Variants in CNNM4 observed in about 807,000 individuals in gnomAD.
CNNM4 encodes metal transporter CNNM4.
In CNNM4, 32 loss-of-function variants were observed where a neutral mutation model predicts 53.7. That is an observed-to-expected ratio of 0.60 (90% CI 0.45 to 0.80). The LOEUF is 0.80. Ranked by LOEUF, CNNM4 falls within the 30% of genes least tolerant of loss-of-function variation. CNNM4 has a pLI of 0.00. For synonymous variants in CNNM4, 410 were observed against 440.0 expected, an observed-to-expected ratio of 0.93 and a Z score of 0.85; for missense variants, 784 against 1,022.0, an observed-to-expected ratio of 0.77 and a Z score of 3.17.
intron 1 of CNNM4, among the ~76,000 whole-genome samples, chr2:96,794,323 A>G (rs2079085096): frequency 6.6e-6 from 1 of 152,172 alleles, no homozygotes; most frequent in Admixed American, 6.5e-5. Context: ...ATAACAGTAT[A>G]GAAGGGTATA....
chr2:96,799,350 C>A (rs2079137381), intron 4 of CNNM4, 124 bp downstream of exon 4: 1 of 1,384,766 alleles, frequency 7.2e-7, no homozygotes, highest in Non-Finnish European at 1.0e-6. Flanking sequence ...GCTGCCTGCC[C>A]TTGAGCCCCG....
intron 5 of CNNM4, among the ~76,000 whole-genome samples, chr2:96,807,824 A>AT (rs935750229): frequency 2.0e-5 from 3 of 152,058 alleles, no homozygotes; most frequent in Non-Finnish European, 4.4e-5. Flanking sequence ...TTTAATGCAT[A>AT]TTTTTTATTT....
chr2:96,783,388 A>G (rs1323206492), intron 1 of CNNM4, among the ~76,000 whole-genome samples: 2 of 152,192 alleles, frequency 1.3e-5, no homozygotes, highest in African/African-American at 4.8e-5. Flanking sequence ...TGGTGCTGGT[A>G]GGACTGCTGG....
rs1285621438 is a variant in CNNM4, at chr2:96,761,978, T to C, written c.979T>C (p.Phe327Leu). 1 of 1,614,146 alleles carries C rather than the reference T, an allele frequency of 6.2e-7. No individual in the cohort carries two copies. The highest frequency in any genetic ancestry group is 2.2e-5 in the East Asian group (1 of 44,872). The change falls in exon 1 of 7, where the codon TTT (phenylalanine) becomes CTT (leucine). Residue 327 changes from phenylalanine to leucine, a missense_variant. Physicochemically the swap from Phe to Leu is conservative, Grantham distance 22. Around this residue, in one of 3 missense-constraint regions of CNNM4, gnomAD observed 473 missense variants for 624.6 expected, o/e 0.76. Coordinates refer to ENST00000377075, the MANE Select transcript of CNNM4 (RefSeq NM_020184.4). This position sits in a 1 kb window ranked among gnomAD's most constrained non-coding sequence, Gnocchi z 6.0. ...TCCCATTAGCAAGCTCCTGGACTTTTTTCTGGGCCAGGAGATTCGCACTGT... is the reference window on the plus strand; with the variant it reads ...TCCCATTAGCAAGCTCCTGGACTTTCTTCTGGGCCAGGAGATTCGCACTGT... ...SFPISKLLDFFLGQEIRTVYN... is the reference protein window; with the variant it reads ...SFPISKLLDFLLGQEIRTVYN...
At chr2:96,779,118 G>A (rs546124688) in intron 1 of CNNM4, among the ~76,000 whole-genome samples, 2 of 152,112 alleles carry the variant, frequency 1.3e-5, no homozygotes, top group South Asian at 2.1e-4. Flanking sequence ...CACCATGCCC[G>A]GCTAATTTTT....
chr2:96,769,834 G>A (rs986403673), intron 1 of CNNM4, among the ~76,000 whole-genome samples: 1 of 152,326 alleles, frequency 6.6e-6, no homozygotes, highest in East Asian at 1.9e-4. Flanking sequence ...GCCCTGCCTG[G>A]TAATAGCCTC....
In CNNM4 at chr2:96,808,199, G is replaced by A. The variant is rs745737245; in HGVS notation, c.1949-362G>A. Among the ~76,000 whole-genome samples the A allele has an allele frequency of 3.9e-5, 6 of 152,228 alleles. No homozygotes were observed. The highest frequency in any genetic ancestry group is 8.8e-5 in the Non-Finnish European group (6 of 68,016). On this transcript the variant is annotated intron_variant, in intron 5 of 6. Transcript: ENST00000377075. This position sits in a 1 kb window ranked among gnomAD's most constrained non-coding sequence, Gnocchi z 4.9. ...CACTGTGCCCAGCCTAAGAATGGCA[G>A]TTTGCCTGTCCTGCTAGGATGATCA...
At chr2:96,793,761 C>T (rs181482576) in intron 1 of CNNM4, among the ~76,000 whole-genome samples, 9 of 152,264 alleles carry the variant, frequency 5.9e-5, no homozygotes, top group Admixed American at 3.9e-4. Flanking sequence ...GTCAGGAGTT[C>T]GAGACCAGCC....
At chr2:96,764,754 G>A (rs1442277262) in intron 1 of CNNM4, among the ~76,000 whole-genome samples, 3 of 152,134 alleles carry the variant, frequency 2.0e-5, no homozygotes, top group Non-Finnish European at 4.4e-5. Context: ...TTGGGAGGGC[G>A]AGGCGGACAG....
chr2:96,765,907 C>T (rs533164465), intron 1 of CNNM4, among the ~76,000 whole-genome samples: 1 of 150,048 alleles, frequency 6.7e-6, no homozygotes, highest in Non-Finnish European at 1.5e-5. Context: ...TCTCAGCCTC[C>T]CGAGTAGCTG....
chr2:96,798,944 G>T (rs1558994224), intron 3 of CNNM4, 113 bp from the exon 4 acceptor site: 3 of 1,061,960 alleles, frequency 2.8e-6, no homozygotes, highest in Non-Finnish European at 1.4e-6. Flanking sequence ...AGCAGGGCGG[G>T]AGTCGTCTGA....
chr2:96,773,169 A>G (rs772649499), intron 1 of CNNM4, among the ~76,000 whole-genome samples: 4 of 152,214 alleles, frequency 2.6e-5, no homozygotes, highest in Non-Finnish European at 5.9e-5. Flanking sequence ...CAGTTTCAAA[A>G]ATTAGTAAAT....
intron 1 of CNNM4, among the ~76,000 whole-genome samples, chr2:96,766,417 G>A (rs2078819391): frequency 6.6e-6 from 1 of 152,060 alleles, no homozygotes; most frequent in Admixed American, 6.6e-5. Flanking sequence ...CCCACCATGG[G>A]GCCTTTGCCC....
At chr2:96,771,622 G>A (rs1574056389) in intron 1 of CNNM4, among the ~76,000 whole-genome samples, 1 of 151,838 alleles carries the variant, frequency 6.6e-6, no homozygotes, top group African/African-American at 2.4e-5. Context: ...GCTGAGGCAG[G>A]AGAATTGCTT....
chr2:96,769,195 G>A (rs1006758274), intron 1 of CNNM4, among the ~76,000 whole-genome samples: 1 of 151,892 alleles, frequency 6.6e-6, no homozygotes, highest in African/African-American at 2.4e-5. Context: ...AGCTTGCAGT[G>A]AGCCGAGATC....
At chr2:96,770,531 C>T (rs990878897) in intron 1 of CNNM4, among the ~76,000 whole-genome samples, 3 of 152,326 alleles carry the variant, frequency 2.0e-5, no homozygotes, top group African/African-American at 7.2e-5. Flanking sequence ...GGACAAGACC[C>T]GAAGGCTGAG....
intron 1 of CNNM4, among the ~76,000 whole-genome samples, chr2:96,780,039 A>C (rs1404568554): frequency 2.0e-5 from 3 of 152,006 alleles, no homozygotes; most frequent in African/African-American, 4.8e-5. Context: ...TGACCTTGTA[A>C]TCTGCCCGTC....
intron 1 of CNNM4, among the ~76,000 whole-genome samples, chr2:96,782,353 C>T (rs1053476949): frequency 2.0e-5 from 3 of 150,034 alleles, no homozygotes; most frequent in South Asian, 2.1e-4. Flanking sequence ...CAGAGGTTGC[C>T]GTGAGCTGAG....
intron 1 of CNNM4, among the ~76,000 whole-genome samples, chr2:96,794,983 A>T (rs1394338179): frequency 1.3e-5 from 2 of 152,270 alleles, no homozygotes; most frequent in African/African-American, 4.8e-5. Context: ...GCTCAAAAGA[A>T]ATGCTCATTG....
Sources: allele counts gnomAD v4.1 joint callset (sites outside exome capture counted in the v4.1 genomes callset), GRCh38; gene constraint gnomAD v4.1.1; regional missense constraint gnomAD v4.1.1; non-coding constraint Gnocchi (gnomAD v3.1); transcripts MANE v1.5; gene names NCBI Gene and HGNC (gene_info 2026-07-23, HGNC 2026-07-21).